WSCD1: variants seen among roughly 807,000 people sequenced by gnomAD.
WSCD1 encodes WSC domain sialate O sulfotransferase 1.
Under a neutral mutation model 60.4 loss-of-function variants are expected in WSCD1, and 41 were observed. That is an observed-to-expected ratio of 0.68 (90% CI 0.53 to 0.88). The LOEUF is 0.88. Ranked by LOEUF, WSCD1 falls within the 40% of genes least tolerant of loss-of-function variation. The pLI is 0.00. For missense variants in WSCD1, 784 were observed against 796.2 expected, an observed-to-expected ratio of 0.98 and a Z score of 0.18; for synonymous variants, 361 against 332.5, an observed-to-expected ratio of 1.09 and a Z score of -0.93.
chr17:6,097,345 G>C (rs371653282), intron 5 of WSCD1, among the ~76,000 whole-genome samples: 1 of 152,252 alleles, frequency 6.6e-6, no homozygotes, highest in Non-Finnish European at 1.5e-5. Flanking sequence ...TAGCAGGGAA[G>C]CCTTCCTCTC....
chr17:6,088,100 G>A lies in WSCD1; in HGVS notation c.538G>A (p.Glu180Lys), dbSNP rs1207368552. ...TVSHCQDACAERSYVYAGLEA... is the reference protein window; with the variant it reads ...TVSHCQDACAKRSYVYAGLEA... ...CTCCCACTGCCAGGATGCGTGTGCT[G>A]AGCGGTGAGTGCTGGGGCCCTGGAC... The change falls in exon 3 of 9, where the codon GAG (glutamate) becomes AAG (lysine). Residue 180 changes from glutamate (E) to lysine (K), a missense_variant. Physicochemically the swap from Glu to Lys is moderately conservative, Grantham distance 56. Transcript: ENST00000317744. 6.2e-7 allele frequency: 1 copy of A among 1,614,006 alleles called. No individual in the cohort carries two copies. The highest frequency in any genetic ancestry group is 8.5e-7 in the Non-Finnish European group (1 of 1,179,922).
At chr17:6,120,018 G>A (rs4254372) in intron 8 of WSCD1, among the ~76,000 whole-genome samples, 129,508 of 152,170 alleles carry the variant, frequency 0.85, 56,473 homozygotes, top group Non-Finnish European at 0.94. Flanking sequence ...CACAAGATGC[G>A]TATTTGCCCA....
chr17:6,092,670 T>C (rs915773028), intron 4 of WSCD1, among the ~76,000 whole-genome samples: 4 of 152,172 alleles, frequency 2.6e-5, no homozygotes, highest in African/African-American at 9.7e-5. Flanking sequence ...CAAACAACAT[T>C]CCTGCCCCCA....
intron 5 of WSCD1, among the ~76,000 whole-genome samples, chr17:6,107,814 G>A (rs748793639): frequency 3.3e-5 from 5 of 152,256 alleles, no homozygotes; most frequent in Admixed American, 6.5e-5. Context: ...TCACATGACC[G>A]GGGAAACTTG....
intron 7 of WSCD1, among the ~76,000 whole-genome samples, chr17:6,111,695 C>T (rs946998012): frequency 2.6e-4 from 34 of 130,212 alleles, no homozygotes; most frequent in African/African-American, 9.5e-4. Flanking sequence ...AGTGACACTC[C>T]GTCTCAAAAA....
intron 7 of WSCD1, among the ~76,000 whole-genome samples, chr17:6,116,204 C>T (rs1911677231): frequency 6.6e-6 from 1 of 152,204 alleles, no homozygotes; most frequent in Admixed American, 6.5e-5. Flanking sequence ...CCTTGTTCAT[C>T]TCCAAGGCCC....
At chr17:6,100,502 G>A (rs760594210) in intron 5 of WSCD1, among the ~76,000 whole-genome samples, 1 of 152,232 alleles carries the variant, frequency 6.6e-6, no homozygotes. Flanking sequence ...GCCCGTGGAT[G>A]TGGGTGTAAC....
intron 2 of WSCD1, among the ~76,000 whole-genome samples, chr17:6,085,421 G>A (rs951545580): frequency 6.6e-6 from 1 of 151,310 alleles, no homozygotes; most frequent in African/African-American, 2.5e-5. Context: ...CATTTTACAT[G>A]TGTTACCTTA....
At chr17:6,090,292 C>T (rs1317988680) in intron 3 of WSCD1, 29 bp from the exon 4 acceptor site, 1 of 1,549,710 alleles carries the variant, frequency 6.5e-7, no homozygotes, top group Non-Finnish European at 8.7e-7. Context: ...GGGCCAAGGT[C>T]CGGACTCACC....
chr17:6,114,079 T>C (rs1320332704), intron 7 of WSCD1, among the ~76,000 whole-genome samples: 1 of 148,506 alleles, frequency 6.7e-6, no homozygotes. Flanking sequence ...AGCCAAGGTA[T>C]GGAATCAACC....
At chr17:6,088,154 G>C in intron 3 of WSCD1, 50 bp downstream of exon 3, 1 of 1,532,752 alleles carries the variant, frequency 6.5e-7, no homozygotes, top group African/African-American at 1.4e-5. Flanking sequence ...GAAGGTCCAG[G>C]GACAGTTCCA....
At chr17:6,077,354 T>G (rs1908934494) in intron 1 of WSCD1, among the ~76,000 whole-genome samples, 1 of 151,152 alleles carries the variant, frequency 6.6e-6, no homozygotes, top group African/African-American at 2.5e-5. Flanking sequence ...CCCAAGGTGC[T>G]GGGATTACAG....
chr17:6,120,826 C>T lies in WSCD1; in HGVS notation c.*165C>T. The T allele has an allele frequency of 1.4e-6, 1 of 707,874 alleles. No homozygotes were observed. The highest frequency in any genetic ancestry group is 2.3e-6 in the Non-Finnish European group (1 of 435,550). 43.8% of individuals were successfully genotyped at this position (707,874 alleles called of 1,614,324 possible). A position where few individuals can be genotyped will look rare whatever the true frequency, so the allele number is the denominator to read the frequency against. ...CAAGGAGACCTGGACACAACAGACA[C>T]ACATCACAAGGCGAACACAAATGGA... On this transcript the variant is annotated 3_prime_UTR_variant, in exon 9 of 9. Transcript: ENST00000317744.
At chr17:6,091,035 C>A (rs1356558492) in intron 4 of WSCD1, among the ~76,000 whole-genome samples, 3 of 152,132 alleles carry the variant, frequency 2.0e-5, no homozygotes, top group African/African-American at 7.2e-5. Flanking sequence ...GGATTACAGG[C>A]ACCTGCCACC....
At chr17:6,099,555 ATG>A (rs1300106900) in intron 5 of WSCD1, among the ~76,000 whole-genome samples, 1 of 151,976 alleles carries the variant, frequency 6.6e-6, no homozygotes, top group African/African-American at 2.4e-5. Flanking sequence ...TTCACTCAAT[ATG>A]GTGATTCCCA....
At chr17:6,114,462 A>C (rs903148114) in intron 7 of WSCD1, among the ~76,000 whole-genome samples, 1 of 142,214 alleles carries the variant, frequency 7.0e-6, no homozygotes, top group African/African-American at 2.5e-5. Context: ...AGTTGACAAT[A>C]ATTGATTGTA....
At chr17:6,095,294 A>G (rs1285475973) in intron 5 of WSCD1, 71 bp downstream of exon 5, 7 of 1,521,410 alleles carry the variant, frequency 4.6e-6, no homozygotes, top group African/African-American at 1.4e-5. Flanking sequence ...AGGGGGGCAC[A>G]TGTGCTGGGC....
chr17:6,080,504 A>G lies in WSCD1; in HGVS notation c.-155A>G. 1 of 720,178 alleles carries G rather than the reference A, an allele frequency of 1.4e-6. No homozygotes were observed. Among genetic ancestry groups the G allele is most frequent in the Non-Finnish European group, 2.3e-6 (1 of 437,034 alleles). 44.6% of individuals were successfully genotyped at this position (720,178 alleles called of 1,614,324 possible). A position where few individuals can be genotyped will look rare whatever the true frequency, so the allele number is the denominator to read the frequency against. On this transcript the variant is annotated 5_prime_UTR_variant, in exon 2 of 9. Coordinates refer to ENST00000317744, the MANE Select transcript of WSCD1 (RefSeq NM_015253.2). The surrounding 1 kb of genome is among the most constrained non-coding windows in gnomAD (Gnocchi z 6.6). ...TGGTGCCATTTGAACACCTACTGGA[A>G]ACGGGGCAGGAACAGTGAGTGACCC...
Position 6,118,250 on chromosome 17 carries a change from G to C in WSCD1, c.1375+62G>C. 6.4e-7 allele frequency: 1 copy of C among 1,556,880 alleles called. No individual in the cohort carries two copies. Among genetic ancestry groups the C allele is most frequent in the Non-Finnish European group, 8.8e-7 (1 of 1,142,506 alleles). On this transcript the variant is annotated intron_variant, in intron 8 of 8. Transcript: ENST00000317744. This position sits in a 1 kb window ranked among gnomAD's most constrained non-coding sequence, Gnocchi z 5.8. The stretch of plus-strand genomic sequence containing the variant: ...TCAGTACAGGTAGGTTGCTCATCAG[G>C]ATGCAGGATCAATTTACACAGGTAG...
Sources: allele counts gnomAD v4.1 joint callset (sites outside exome capture counted in the v4.1 genomes callset), GRCh38; gene constraint gnomAD v4.1.1; non-coding constraint Gnocchi (gnomAD v3.1); transcripts MANE v1.5; gene names NCBI Gene and HGNC (gene_info 2026-07-23, HGNC 2026-07-21).